Variants in NLN observed in about 807,000 individuals in gnomAD.
The protein encoded by NLN is neurolysin, mitochondrial.
NLN carries 64 observed loss-of-function variants against 79.9 expected under a neutral mutation model. The ratio of observed to expected loss-of-function variants is 0.80; its 90% CI spans 0.65 to 0.99. NLN has a LOEUF of 0.99. Ranked by LOEUF, NLN falls within the 50% of genes least tolerant of loss-of-function variation. The pLI, the probability that NLN is intolerant of heterozygous loss-of-function variation, is 0.00. For synonymous variants in NLN, 267 were observed against 296.6 expected (o/e 0.90, Z 1.02); for missense variants, 835 against 858.7 (o/e 0.97, Z 0.34).
At chr5:65,779,451 C>CT (rs1248936076) in intron 4 of NLN, among the ~76,000 whole-genome samples, 1 of 151,746 alleles carries the variant, frequency 6.6e-6, no homozygotes, top group African/African-American at 2.4e-5. Context: ...TATAAATCAT[C>CT]TTTTTTTACA....
At chr5:65,770,167 G>T (rs1424341144) in intron 3 of NLN, among the ~76,000 whole-genome samples, 1 of 152,162 alleles carries the variant, frequency 6.6e-6, no homozygotes, top group Non-Finnish European at 1.5e-5. Flanking sequence ...TTAAGACGCA[G>T]AAACTGCTAA....
chr5:65,755,132 A>G (rs1396155729), intron 1 of NLN, among the ~76,000 whole-genome samples: 1 of 152,180 alleles, frequency 6.6e-6, no homozygotes, highest in Non-Finnish European at 1.5e-5. Context: ...CTCATGTTTT[A>G]TATTCCATTT....
At chr5:65,773,859 A>G (rs184228656) in intron 3 of NLN, among the ~76,000 whole-genome samples, 36 of 152,214 alleles carry the variant, frequency 2.4e-4, no homozygotes, top group African/African-American at 8.4e-4. Flanking sequence ...GCGAAGATCT[A>G]TTGAGCCTAG....
At chr5:65,768,378 T>G (rs1759499663) in intron 3 of NLN, among the ~76,000 whole-genome samples, 1 of 152,074 alleles carries the variant, frequency 6.6e-6, no homozygotes. Flanking sequence ...ATTAGACACT[T>G]ATAAAACAAC....
chr5:65,772,784 G>A (rs1289211125), intron 3 of NLN, among the ~76,000 whole-genome samples: 1 of 149,368 alleles, frequency 6.7e-6, no homozygotes, highest in Non-Finnish European at 1.5e-5. Flanking sequence ...AGGCTGGACC[G>A]TAGTGACGTG....
chr5:65,821,476 G>T (rs770730389), intron 12 of NLN, among the ~76,000 whole-genome samples: 5 of 152,158 alleles, frequency 3.3e-5, no homozygotes, highest in Non-Finnish European at 5.9e-5. Context: ...TCCATAATGT[G>T]TATATTGACA....
intron 1 of NLN, among the ~76,000 whole-genome samples, chr5:65,724,018 G>T (rs3096210): frequency 1.3e-5 from 2 of 150,930 alleles, no homozygotes; most frequent in African/African-American, 4.9e-5. Context: ...TGCATAAATA[G>T]TGATTTTAAT....
intron 9 of NLN, among the ~76,000 whole-genome samples, chr5:65,805,842 A>G (rs1760400573): frequency 6.6e-6 from 1 of 152,230 alleles, no homozygotes; most frequent in Admixed American, 6.5e-5. Flanking sequence ...GAGAGATGTC[A>G]ATGCCTGGCT....
intron 9 of NLN, among the ~76,000 whole-genome samples, chr5:65,800,839 C>T (rs1018737413): frequency 1.3e-5 from 2 of 151,776 alleles, no homozygotes; most frequent in African/African-American, 2.4e-5. Flanking sequence ...TACAGGAATG[C>T]ACCACCATGC....
intron 1 of NLN, among the ~76,000 whole-genome samples, chr5:65,745,686 G>C (rs962430746): frequency 6.6e-6 from 1 of 152,162 alleles, no homozygotes; most frequent in Non-Finnish European, 1.5e-5. Flanking sequence ...GAGAGCAAAA[G>C]GATGGCACTG....
chr5:65,739,652 T>G (rs1371232944), intron 1 of NLN, among the ~76,000 whole-genome samples: 1 of 152,220 alleles, frequency 6.6e-6, no homozygotes, highest in Non-Finnish European at 1.5e-5. Context: ...GGGTTCCCTT[T>G]TCTCCACCAA....
intron 1 of NLN, among the ~76,000 whole-genome samples, chr5:65,744,669 C>T (rs568899203): frequency 3.9e-4 from 60 of 152,032 alleles, no homozygotes; most frequent in Non-Finnish European, 7.6e-4. Flanking sequence ...GAGGCCGAGG[C>T]GGGTGGATCA....
At chr5:65,765,648 G>A (rs1024569744) in intron 3 of NLN, among the ~76,000 whole-genome samples, 3 of 151,996 alleles carry the variant, frequency 2.0e-5, no homozygotes, top group Admixed American at 6.6e-5. Context: ...GGTTGAGACT[G>A]CACTGAGCAG....
intron 12 of NLN, among the ~76,000 whole-genome samples, chr5:65,820,722 T>TTTTA (rs1554035366): frequency 6.6e-6 from 1 of 151,098 alleles, no homozygotes; most frequent in Non-Finnish European, 1.5e-5. Flanking sequence ...ACATGTTTTT[T>TTTTA]TTTGTTTGTT....
At chr5:65,792,316 CCTA>C (rs1355785586) in intron 8 of NLN, 135 bp from the exon 9 acceptor site, 1 of 597,106 alleles carries the variant, frequency 1.7e-6, no homozygotes, top group African/African-American at 1.9e-5. Flanking sequence ...AGCAAAATAA[CCTA>C]CTTTCTAAAA....
intron 1 of NLN, among the ~76,000 whole-genome samples, chr5:65,747,372 T>C (rs569945898): frequency 1.1e-4 from 16 of 152,144 alleles, no homozygotes; most frequent in Admixed American, 2.0e-4. Context: ...GGCCATGATA[T>C]AATAGTATCA....
chr5:65,722,410 C>A lies in NLN; in HGVS notation c.37C>A (p.Arg13Ser). 1 of 1,589,966 alleles carries A rather than the reference C, an allele frequency of 6.3e-7. No homozygotes were observed. Among genetic ancestry groups the A allele is most frequent in the Non-Finnish European group, 8.6e-7 (1 of 1,169,588 alleles). ...ARCLLAVRSL[R>S]RVGGSRILLR... ...GTGCCTTTTGGCTGTGCGAAGCCTC[C>A]GCAGGTACCTCCAGCGCGCGGGTTA... Residue 13 changes from arginine (R) to serine (S), a missense_variant, in exon 1 of 13, where the codon CGC becomes AGC. Physicochemically the swap from Arg to Ser is moderately radical, Grantham distance 110 (BLOSUM62 -1). Coordinates refer to ENST00000380985, the MANE Select transcript of NLN (RefSeq NM_020726.5).
chr5:65,733,592 C>T lies in NLN; in HGVS notation c.41+11178C>T, dbSNP rs201404219. 8.6e-4 allele frequency: 1,291 copies of T among 1,496,644 alleles called. 199 individuals carry two copies. The highest frequency in any genetic ancestry group is 1.1e-3 in the Non-Finnish European group (1,149 of 1,090,594). The allele number at this position is 1,496,644 out of a possible 1,614,324, so 92.7% of individuals were successfully genotyped here. A position where few individuals can be genotyped will look rare whatever the true frequency, so the allele number is the denominator to read the frequency against. ...AGCCCAAGAGGATCTTTTTTGGTCC[C>T]GTCCCCTGCCCTTCCTGTGGCTCAT... On this transcript the variant is annotated intron_variant, in intron 1 of 12. Transcript: ENST00000380985.
chr5:65,727,599 T>C (rs918218922), intron 1 of NLN, among the ~76,000 whole-genome samples: 1 of 151,998 alleles, frequency 6.6e-6, no homozygotes, highest in Admixed American at 6.5e-5. Context: ...CTACCTCAGA[T>C]TGTACAGCAT....
Sources: gnomAD v4.1 joint callset for allele counts (sites outside exome capture counted in the v4.1 genomes callset) on GRCh38, gnomAD v4.1.1 for gene constraint, MANE v1.5 for transcripts, NCBI Gene and HGNC (gene_info 2026-07-23, HGNC 2026-07-21) for gene names.